DACH2: variants seen among roughly 807,000 people sequenced by gnomAD.
The protein encoded by DACH2 is dachshund family transcription factor 2.
DACH2 carries 17 observed loss-of-function variants against 35.8 expected under a neutral mutation model. That is an observed-to-expected ratio of 0.48 (90% CI 0.33 to 0.71). The LOEUF (loss-of-function observed/expected upper bound fraction) is 0.71. DACH2 is among the 30% of genes least tolerant of loss of function. DACH2 has a pLI of 0.02. For synonymous variants in DACH2, 195 were observed against 177.3 expected (o/e 1.10, Z -0.79); for missense variants, 469 against 472.7 (o/e 0.99, Z 0.07).
chrX:86,630,697 CT>C (rs72243221), intron 3 of DACH2, among the ~76,000 whole-genome samples: 33,048 of 102,635 alleles, frequency 0.32, 4,371 homozygotes, highest in Middle Eastern at 0.43. Flanking sequence ...GCTTATTAAA[CT>C]TTTTTTTTTT....
chrX:86,407,585 C>T, intron 2 of DACH2, among the ~76,000 whole-genome samples: 1 of 112,126 alleles, frequency 8.9e-6, no homozygotes, highest in East Asian at 2.8e-4. Flanking sequence ...TATTCTGTTG[C>T]TAAAGAATGG....
At chrX:86,272,459 G>A (rs750484451) in intron 1 of DACH2, among the ~76,000 whole-genome samples, 7 of 111,448 alleles carry the variant, frequency 6.3e-5, no homozygotes, top group Non-Finnish European at 1.1e-4. Context: ...AGCAGCAACA[G>A]CAGCAGCAAC....
chrX:86,519,529 T>A (rs1178476539), intron 3 of DACH2, among the ~76,000 whole-genome samples: 1 of 111,101 alleles, frequency 9.0e-6, no homozygotes, highest in Non-Finnish European at 1.9e-5. Context: ...AGATCCCAGG[T>A]TTGTTTTGGT....
chrX:86,321,357 C>T (rs908510394), intron 1 of DACH2, among the ~76,000 whole-genome samples: 1 of 111,765 alleles, frequency 8.9e-6, no homozygotes, highest in African/African-American at 3.3e-5. Flanking sequence ...GAGGAATGAA[C>T]CTTTTCTTTA....
chrX:86,479,888 T>G (rs993583188), intron 2 of DACH2, among the ~76,000 whole-genome samples: 4 of 112,582 alleles, frequency 3.6e-5, no homozygotes, highest in Non-Finnish European at 5.6e-5. Context: ...TGCGTTATCT[T>G]AAATTTCTAT....
chrX:86,777,344 T>A (rs2042045102), intron 7 of DACH2, among the ~76,000 whole-genome samples: 1 of 111,495 alleles, frequency 9.0e-6, no homozygotes, highest in African/African-American at 3.3e-5. Context: ...TCAGTGATGA[T>A]GAGCATTTTT....
At chrX:86,547,130 C>A (rs996749703) in intron 3 of DACH2, among the ~76,000 whole-genome samples, 2 of 110,934 alleles carry the variant, frequency 1.8e-5, no homozygotes, top group Non-Finnish European at 3.8e-5. Flanking sequence ...CCCTCCAGTG[C>A]CCCAATCCAG....
chrX:86,793,583 G>C (rs1273578784), intron 7 of DACH2, among the ~76,000 whole-genome samples: 1 of 111,571 alleles, frequency 9.0e-6, no homozygotes, highest in Non-Finnish European at 1.9e-5. Flanking sequence ...TAGCAAGAAA[G>C]ATCATAAAAT....
At chrX:86,792,977 T>G in intron 7 of DACH2, among the ~76,000 whole-genome samples, 1 of 111,947 alleles carries the variant, frequency 8.9e-6, no homozygotes, top group Middle Eastern at 4.7e-3. Context: ...CTGTACTAAT[T>G]TACATTCCTA....
At chrX:86,496,653 G>T (rs2038176520) in intron 2 of DACH2, among the ~76,000 whole-genome samples, 1 of 108,574 alleles carries the variant, frequency 9.2e-6, no homozygotes, top group South Asian at 3.9e-4. Flanking sequence ...CCAAAGTTTG[G>T]TTCAGATGTT....
intron 11 of DACH2, chrX:86,829,101 C>T (rs1257450147): frequency 9.0e-6 from 1 of 111,569 alleles, no homozygotes; most frequent in Non-Finnish European, 1.9e-5. Flanking sequence ...TAATTCATAT[C>T]GATGTGACAT....
chrX:86,229,600 C>T (rs959768951), intron 1 of DACH2, among the ~76,000 whole-genome samples: 16 of 111,730 alleles, frequency 1.4e-4, no homozygotes, highest in African/African-American at 5.2e-4. Context: ...CATCCATAAG[C>T]ATGGATATGT....
intron 1 of DACH2, among the ~76,000 whole-genome samples, chrX:86,306,514 G>T (rs2034691673): frequency 9.0e-6 from 1 of 111,728 alleles, no homozygotes; most frequent in Non-Finnish European, 1.9e-5. Flanking sequence ...TGAGTCAGTG[G>T]GCTGGGGAAG....
At chrX:86,234,258 A>G (rs5923516) in intron 1 of DACH2, among the ~76,000 whole-genome samples, 49,682 of 110,614 alleles carry the variant, frequency 0.45, 9,144 homozygotes, top group Non-Finnish European at 0.59. Flanking sequence ...CATCAAGAAG[A>G]CTAAATATAA....
At chrX:86,345,281 T>C in intron 1 of DACH2, 1 of 144,559 alleles carries the variant, frequency 6.9e-6, no homozygotes, top group Non-Finnish European at 1.4e-5. Context: ...TTCTTTTTCA[T>C]GGCCAATAAA....
At chrX:86,177,846 TTATC>T (rs111478398) in intron 1 of DACH2, among the ~76,000 whole-genome samples, 7,735 of 110,976 alleles carry the variant, frequency 0.07, 667 homozygotes, top group African/African-American at 0.24. Context: ...TTTCCCTTCT[TTATC>T]TAGCATTGAA....
At chrX:86,787,835 G>A (rs979397054) in intron 7 of DACH2, among the ~76,000 whole-genome samples, 2 of 111,386 alleles carry the variant, frequency 1.8e-5, no homozygotes, top group African/African-American at 6.5e-5. Context: ...ATTGTACTGA[G>A]GAGAATAAGG....
chrX:86,772,344 C>T (rs780269622), intron 7 of DACH2, among the ~76,000 whole-genome samples: 2 of 111,509 alleles, frequency 1.8e-5, no homozygotes, highest in African/African-American at 6.5e-5. Flanking sequence ...AGCTTGAAGT[C>T]AGTTCCAGTT....
At position 86,148,455 on chromosome X, in the gene DACH2, T is replaced by G; in HGVS notation, c.-166T>G. On this transcript the variant is annotated 5_prime_UTR_variant, in exon 1 of 12. Transcript: ENST00000373125. Reference sequence around the variant, plus strand: ...CGCAGCGGGTCGGGGCTGCTCACTGTTTGTTGAGCTTGAGCGTGAGCCGGC... The same window carrying G: ...CGCAGCGGGTCGGGGCTGCTCACTGGTTGTTGAGCTTGAGCGTGAGCCGGC... 1.8e-6 allele frequency: 1 copy of G among 541,106 alleles called. No homozygotes were observed. The highest frequency in any genetic ancestry group is 2.8e-6 in the Non-Finnish European group (1 of 351,726). 44.6% of individuals were successfully genotyped at this position (541,106 alleles called of 1,213,427 possible).
Sources: allele counts gnomAD v4.1 joint callset (sites outside exome capture counted in the v4.1 genomes callset), GRCh38; gene constraint gnomAD v4.1.1; transcripts MANE v1.5; gene names NCBI Gene and HGNC (gene_info 2026-07-23, HGNC 2026-07-21).